The following FLRT1 variants were observed in gnomAD, a reference collection of about 807,000 sequenced individuals.
The protein encoded by FLRT1 is fibronectin leucine rich transmembrane protein 1, also known as leucine-rich repeat transmembrane protein FLRT1.
A neutral mutation model predicts 30.9 loss-of-function variants in FLRT1; 14 were observed. That is an observed-to-expected ratio of 0.45 (90% CI 0.30 to 0.71). The LOEUF is 0.71. Among genes scored for constraint, FLRT1 ranks in the 30% least tolerant of loss-of-function variants. The pLI, the probability that FLRT1 is intolerant of heterozygous loss-of-function variation, is 0.08. For synonymous variants in FLRT1, 368 were observed against 430.4 expected, an observed-to-expected ratio of 0.85 and a Z score of 1.80; for missense variants, 737 against 949.2, an observed-to-expected ratio of 0.78 and a Z score of 2.94.
Position 64,116,834 on chromosome 11 carries a change from G to A in FLRT1, c.567G>A (p.Leu189=). 1.9e-6 allele frequency: 3 copies of A among 1,612,980 alleles called. No homozygotes were observed. The highest frequency in any genetic ancestry group is 2.2e-5 in the South Asian group (2 of 91,084). ...LKLLFLSRNH[L]SSIPSGLPHT... is the part of the protein sequence containing the mutation. The stretch of plus-strand genomic sequence containing the variant: ...TGCTCTTCCTGAGCCGGAACCACCT[G>A]AGCAGCATCCCCTCGGGGCTGCCGC... The change falls in exon 3 of 3, where the codon CTG becomes CTA. Residue 189 remains leucine (L), a synonymous_variant. Coordinates refer to ENST00000682287, the MANE Select transcript of FLRT1 (RefSeq NM_013280.5).
chr11:64,081,074 T>C (rs769196540), intron 1 of FLRT1, among the ~76,000 whole-genome samples: 1 of 152,178 alleles, frequency 6.6e-6, no homozygotes, highest in African/African-American at 2.4e-5. Context: ...TAGGCTGGAG[T>C]GCAGTGGCAT....
chr11:64,107,390 A>G (rs760046560), intron 2 of FLRT1, among the ~76,000 whole-genome samples: 14 of 151,934 alleles, frequency 9.2e-5, no homozygotes, highest in Non-Finnish European at 1.6e-4. Context: ...ACTGTTATCA[A>G]TATAATTAAC....
intron 1 of FLRT1, among the ~76,000 whole-genome samples, chr11:64,056,821 C>T (rs1030398334): frequency 6.6e-6 from 1 of 152,104 alleles, no homozygotes; most frequent in Non-Finnish European, 1.5e-5. Context: ...AAGGCCTGTC[C>T]CACCCCCTGG....
At chr11:64,088,074 T>C (rs955120012) in intron 1 of FLRT1, among the ~76,000 whole-genome samples, 1 of 152,168 alleles carries the variant, frequency 6.6e-6, no homozygotes, top group African/African-American at 2.4e-5. Context: ...CCCCTGGCTC[T>C]TCCCATAGGC....
In FLRT1 at chr11:64,118,443, C is replaced by T. The variant is rs1945037475; in HGVS notation, c.*151C>T. ...GAAAGCAAAGTTTGGGGAGGGCTGA[C>T]GATTTTGTAGAACACAACAGTGACA... On this transcript the variant is annotated 3_prime_UTR_variant, in exon 3 of 3. Transcript: ENST00000682287. The T allele has an allele frequency of 2.2e-6, 2 of 917,990 alleles. No individual in the cohort carries two copies. Among genetic ancestry groups the T allele is most frequent in the Non-Finnish European group, 3.1e-6 (2 of 650,524 alleles). 56.9% of individuals were successfully genotyped at this position (917,990 alleles called of 1,614,324 possible).
chr11:64,047,082 G>A (rs914333053), intron 1 of FLRT1, among the ~76,000 whole-genome samples: 4 of 151,740 alleles, frequency 2.6e-5, no homozygotes, highest in South Asian at 2.1e-4. Context: ...AGCCTTCGAC[G>A]TGCTGTTCCC....
intron 1 of FLRT1, among the ~76,000 whole-genome samples, chr11:64,059,897 C>G (rs546964): frequency 0.14 from 21,691 of 151,278 alleles, 1,915 homozygotes; most frequent in Non-Finnish European, 0.19. Context: ...GCCGAGGAGG[C>G]GAGGCGAGGC....
chr11:64,115,128 T>G (rs925840546), intron 2 of FLRT1, among the ~76,000 whole-genome samples: 2 of 152,204 alleles, frequency 1.3e-5, no homozygotes, highest in African/African-American at 4.8e-5. Flanking sequence ...AAAGCCTCCG[T>G]GAACCCAGTG....
chr11:64,077,479 C>T (rs1284382176), intron 1 of FLRT1, among the ~76,000 whole-genome samples: 1 of 152,160 alleles, frequency 6.6e-6, no homozygotes, highest in Non-Finnish European at 1.5e-5. Flanking sequence ...GCCTCAGGAC[C>T]CAGGTACTGA....
At chr11:64,116,128 C>A in intron 2 of FLRT1, 91 bp from the exon 3 acceptor site, 2 of 1,340,946 alleles carry the variant, frequency 1.5e-6, no homozygotes, top group Non-Finnish European at 2.0e-6. Context: ...CCCCTTGGTA[C>A]AGGCTGGCAG....
At chr11:64,087,167 A>G (rs1427642170) in intron 1 of FLRT1, 3 of 152,166 alleles carry the variant, frequency 2.0e-5, no homozygotes, top group African/African-American at 7.2e-5. Flanking sequence ...AAAATAAATG[A>G]CGGCACGGTT....
intron 1 of FLRT1, among the ~76,000 whole-genome samples, chr11:64,037,440 C>T (rs978212920): frequency 3.9e-5 from 6 of 152,234 alleles, no homozygotes; most frequent in Non-Finnish European, 5.9e-5. Context: ...GCAGACATCA[C>T]CTGTCAGCTG....
chr11:64,075,559 C>T (rs12799550), intron 1 of FLRT1, among the ~76,000 whole-genome samples: 3,035 of 152,374 alleles, frequency 0.02, 51 homozygotes, highest in Non-Finnish European at 0.029. Flanking sequence ...ATCTGGCCTG[C>T]TGCCCTCCTT....
At chr11:64,055,267 C>CGGGA (rs1384757019) in intron 1 of FLRT1, among the ~76,000 whole-genome samples, 1 of 152,210 alleles carries the variant, frequency 6.6e-6, no homozygotes, top group Non-Finnish European at 1.5e-5. Context: ...TTGCCTTGAG[C>CGGGA]GGGACACCAT....
At chr11:64,081,563 G>C (rs759035722) in intron 1 of FLRT1, 2 of 152,430 alleles carry the variant, frequency 1.3e-5, no homozygotes, top group Non-Finnish European at 2.9e-5. Flanking sequence ...CACATATCAT[G>C]GGTATTATCA....
At chr11:64,100,020 A>C (rs1374359464) in intron 1 of FLRT1, among the ~76,000 whole-genome samples, 1 of 152,210 alleles carries the variant, frequency 6.6e-6, no homozygotes, top group Non-Finnish European at 1.5e-5. Flanking sequence ...GGAGTAGTGC[A>C]GCAAGAAGGA....
chr11:64,080,471 C>T (rs1370175015), intron 1 of FLRT1, among the ~76,000 whole-genome samples: 1 of 152,092 alleles, frequency 6.6e-6, no homozygotes, highest in African/African-American at 2.4e-5. Context: ...AATTCCAGAA[C>T]ATTTTCATCC....
At chr11:64,095,207 GTCTC>G (rs1302697785) in intron 1 of FLRT1, among the ~76,000 whole-genome samples, 1 of 152,160 alleles carries the variant, frequency 6.6e-6, no homozygotes, top group Non-Finnish European at 1.5e-5. Context: ...ATTTAAAATA[GTCTC>G]TCTTTTTCCC....
intron 1 of FLRT1, among the ~76,000 whole-genome samples, chr11:64,043,305 G>A (rs886692132): frequency 6.6e-6 from 1 of 152,190 alleles, no homozygotes; most frequent in Non-Finnish European, 1.5e-5. Flanking sequence ...AGGGGCTGGA[G>A]AGGGGCTGTA....
Sources: allele counts gnomAD v4.1 joint callset (sites outside exome capture counted in the v4.1 genomes callset), GRCh38; gene constraint gnomAD v4.1.1; transcripts MANE v1.5; gene names NCBI Gene and HGNC (gene_info 2026-07-23, HGNC 2026-07-21).